Variants in FRMD5 observed in about 807,000 individuals in gnomAD.
FRMD5 encodes FERM domain containing 5.
A neutral mutation model predicts 69.0 loss-of-function variants in FRMD5; 20 were observed. The ratio of observed to expected loss-of-function variants is 0.29; its 90% CI spans 0.20 to 0.42. FRMD5 has a LOEUF of 0.42. FRMD5 is among the 10% of genes least tolerant of loss of function. The pLI is 1.00. For synonymous variants in FRMD5, 271 were observed against 260.1 expected (o/e 1.04, Z -0.40); for missense variants, 595 against 708.6 (o/e 0.84, Z 1.82).
At chr15:44,147,432 G>T (rs776554871) in intron 1 of FRMD5, among the ~76,000 whole-genome samples, 1 of 152,052 alleles carries the variant, frequency 6.6e-6, no homozygotes, top group Non-Finnish European at 1.5e-5. Context: ...TGTTCTTTTT[G>T]CTTAGGATGT....
At chr15:44,150,821 G>A (rs1050714353) in intron 1 of FRMD5, among the ~76,000 whole-genome samples, 9 of 152,050 alleles carry the variant, frequency 5.9e-5, no homozygotes, top group African/African-American at 4.8e-5. Flanking sequence ...GCTGGGTGCC[G>A]TGGCCCACGT....
chr15:44,140,789 A>G (rs2555366), intron 1 of FRMD5, among the ~76,000 whole-genome samples: 122,923 of 149,498 alleles, frequency 0.82, 52,875 homozygotes, highest in Non-Finnish European at 0.94. Flanking sequence ...AGGCTGAGGT[A>G]GGAGGGTCGC....
intron 1 of FRMD5, among the ~76,000 whole-genome samples, chr15:44,134,146 T>A (rs1219162809): frequency 6.7e-6 from 1 of 148,256 alleles, no homozygotes; most frequent in Non-Finnish European, 1.5e-5. Flanking sequence ...TGAGACAGGG[T>A]CTCACTCTGT....
intron 1 of FRMD5, among the ~76,000 whole-genome samples, chr15:44,050,342 T>G (rs1258571354): frequency 6.6e-6 from 1 of 152,120 alleles, no homozygotes; most frequent in Non-Finnish European, 1.5e-5. Context: ...GAGTATCTGA[T>G]AACTAAAGAG....
At chr15:43,876,028 C>G in intron 13 of FRMD5, 1 of 1,203,536 alleles carries the variant, frequency 8.3e-7, no homozygotes, top group East Asian at 2.3e-5. Context: ...GCTTTATCTT[C>G]ACTATATTGT....
intron 1 of FRMD5, among the ~76,000 whole-genome samples, chr15:44,072,658 A>G (rs1038935032): frequency 1.3e-5 from 2 of 152,158 alleles, no homozygotes; most frequent in African/African-American, 4.8e-5. Flanking sequence ...CCTTTATGTC[A>G]TACTAATATT....
intron 1 of FRMD5, among the ~76,000 whole-genome samples, chr15:44,166,301 A>ATGG (rs1196383834): frequency 6.6e-6 from 1 of 152,096 alleles, no homozygotes; most frequent in Non-Finnish European, 1.5e-5. Context: ...GATGATGATG[A>ATGG]TGGTGGTGGT....
rs763781986 is a variant in FRMD5 at position 43,876,296 on chromosome 15, T to A, written c.1136-1834A>T. On this transcript the variant is annotated intron_variant, in intron 13 of 13. Coordinates refer to ENST00000417257, the MANE Select transcript of FRMD5 (RefSeq NM_032892.5). ...ACTCTGGGCCTGGTTTTTACCCCAG[T>A]TTGAAAGAATCTGAATTCCAAACTA... The A allele has an allele frequency of 8.2e-6, 10 of 1,220,098 alleles. No homozygotes were observed. The Admixed American group carries it at 1.2e-4, about 14-fold the overall frequency. 75.6% of individuals were successfully genotyped at this position (1,220,098 alleles called of 1,614,324 possible).
chr15:43,884,630 G>T, intron 12 of FRMD5, 97 bp downstream of exon 12: 1 of 1,042,112 alleles, frequency 9.6e-7, no homozygotes, highest in Non-Finnish European at 1.4e-6. Context: ...CTTTTTGGTA[G>T]CCACTGGAGC....
intron 1 of FRMD5, among the ~76,000 whole-genome samples, chr15:44,011,479 C>T (rs779011398): frequency 1.3e-5 from 2 of 152,082 alleles, no homozygotes; most frequent in African/African-American, 4.8e-5. Context: ...AGAAGAAGGT[C>T]GGACAGATGA....
chr15:43,979,974 C>T lies in FRMD5; in HGVS notation c.103-55665G>A, dbSNP rs140639473. Among the ~76,000 whole-genome samples the T allele has an allele frequency of 7.2e-5, 11 of 152,196 alleles. No individual in the cohort carries two copies. The East Asian group carries it at 2.1e-3, about 29-fold the overall frequency. ...AACAGAGTATTTAAGGTAAAGGAAC[C>T]AAGACATATTAGATTGTAGTTGAAT... On this transcript the variant is annotated intron_variant, in intron 1 of 13. Transcript: ENST00000417257.
At chr15:43,965,530 T>C (rs1000289194) in intron 1 of FRMD5, among the ~76,000 whole-genome samples, 10 of 151,796 alleles carry the variant, frequency 6.6e-5, no homozygotes, top group Non-Finnish European at 1.3e-4. Context: ...TTTCCCACCA[T>C]GCCACCCTCT....
At chr15:44,077,506 G>T (rs964299879) in intron 1 of FRMD5, among the ~76,000 whole-genome samples, 1 of 152,054 alleles carries the variant, frequency 6.6e-6, no homozygotes, top group African/African-American at 2.4e-5. Flanking sequence ...AGACAACAAT[G>T]ACTGCAGCAT....
chr15:43,881,613 G>A (rs2088532361), intron 13 of FRMD5, among the ~76,000 whole-genome samples: 1 of 152,192 alleles, frequency 6.6e-6, no homozygotes, highest in African/African-American at 2.4e-5. Context: ...TCAGAACTCT[G>A]CACTGTGCTT....
chr15:44,112,499 C>T (rs1350838825), intron 1 of FRMD5, among the ~76,000 whole-genome samples: 14 of 150,002 alleles, frequency 9.3e-5, no homozygotes, highest in Non-Finnish European at 1.8e-4. Flanking sequence ...TGGAGTCTCG[C>T]TCTGTTGCCC....
At chr15:43,996,756 A>G (rs1595602585) in intron 1 of FRMD5, among the ~76,000 whole-genome samples, 1 of 92,894 alleles carries the variant, frequency 1.1e-5, no homozygotes, top group East Asian at 3.2e-4. Flanking sequence ...TTTGAGAGCC[A>G]TTGTTCTGGA....
intron 1 of FRMD5, among the ~76,000 whole-genome samples, chr15:44,012,376 C>T (rs1171178074): frequency 6.6e-6 from 1 of 152,126 alleles, no homozygotes; most frequent in Non-Finnish European, 1.5e-5. Flanking sequence ...AAACCATATA[C>T]CTAATCACAT....
intron 5 of FRMD5, 46 bp from the exon 6 acceptor site, chr15:43,905,997 T>C (rs778371493): frequency 1.2e-6 from 2 of 1,612,690 alleles, no homozygotes; most frequent in Non-Finnish European, 1.7e-6. Flanking sequence ...GACAGGTAAA[T>C]CATCATTGAC....
At chr15:44,097,558 C>T (rs147000122) in intron 1 of FRMD5, among the ~76,000 whole-genome samples, 37 of 152,278 alleles carry the variant, frequency 2.4e-4, no homozygotes, top group African/African-American at 7.0e-4. Context: ...CAGTGTACCT[C>T]GGGGAGGGCT....
Sources: gnomAD v4.1 joint callset for allele counts (sites outside exome capture counted in the v4.1 genomes callset) on GRCh38, gnomAD v4.1.1 for gene constraint, MANE v1.5 for transcripts, NCBI Gene and HGNC (gene_info 2026-07-23, HGNC 2026-07-21) for gene names.